PHLPP1: variants seen among roughly 807,000 people sequenced by gnomAD.
PHLPP1 encodes PH domain leucine-rich repeat-containing protein phosphatase 1.
Under a neutral mutation model 117.2 loss-of-function variants are expected in PHLPP1, and 42 were observed. The observed-to-expected ratio is 0.36, with a 90% CI of 0.28 to 0.46. The LOEUF (loss-of-function observed/expected upper bound fraction) is 0.46, where lower values mean the gene tolerates loss of function less well. PHLPP1 is among the 20% of genes least tolerant of loss of function. The probability of loss-of-function intolerance (pLI) is 1.00; values close to 1 mark genes in which losing one functional copy is unlikely to be tolerated. For synonymous variants in PHLPP1, 1,042 were observed against 970.7 expected (o/e 1.07, Z -1.37); for missense variants, 2,084 against 2,241.9 (o/e 0.93, Z 1.42).
intron 4 of PHLPP1, among the ~76,000 whole-genome samples, chr18:62,881,856 G>C (rs1916181336): frequency 1.3e-5 from 2 of 152,204 alleles, no homozygotes; most frequent in South Asian, 4.1e-4. Flanking sequence ...AATGGAGTTT[G>C]GGGGTGTGGA....
At chr18:62,830,892 A>C (rs1170934665) in intron 2 of PHLPP1, among the ~76,000 whole-genome samples, 1 of 152,232 alleles carries the variant, frequency 6.6e-6, no homozygotes, top group Non-Finnish European at 1.5e-5. Flanking sequence ...GTGAATTTAG[A>C]AACATTGACA....
intron 10 of PHLPP1, among the ~76,000 whole-genome samples, chr18:62,926,469 C>T (rs1909630581): frequency 1.3e-5 from 2 of 152,130 alleles, no homozygotes; most frequent in Non-Finnish European, 2.9e-5. Context: ...TGAGAGACTG[C>T]TTTGGTCATC....
chr18:62,762,129 GA>G (rs2144250332), intron 1 of PHLPP1, among the ~76,000 whole-genome samples: 1 of 151,900 alleles, frequency 6.6e-6, no homozygotes, highest in Admixed American at 6.6e-5. Context: ...CAGCTAAATA[GA>G]ATCCTGTTTT....
chr18:62,843,837 C>T (rs1179787039), intron 3 of PHLPP1, among the ~76,000 whole-genome samples: 2 of 152,124 alleles, frequency 1.3e-5, no homozygotes, highest in Non-Finnish European at 2.9e-5. Context: ...CAAGAACGTG[C>T]AGAAGAGCTC....
intron 6 of PHLPP1, among the ~76,000 whole-genome samples, chr18:62,902,212 T>C (rs1916741118): frequency 6.6e-6 from 1 of 152,212 alleles, no homozygotes; most frequent in African/African-American, 2.4e-5. Flanking sequence ...TTTTCCCCTG[T>C]GCCTTGCTTC....
rs531191857 is a variant in PHLPP1 at position 62,765,182 on chromosome 18, C to T, written c.1576+47923C>T. Reference sequence around the variant, plus strand: ...CCTTTTCAGACCACTCCAAAGCTGACCTTTTTTCAAATTTTGTTGATTGGA... The same window carrying T: ...CCTTTTCAGACCACTCCAAAGCTGATCTTTTTTCAAATTTTGTTGATTGGA... On this transcript the variant is annotated intron_variant, in intron 1 of 16. Coordinates refer to ENST00000262719, the MANE Select transcript of PHLPP1 (RefSeq NM_194449.4). 4.3e-4 allele frequency among the ~76,000 whole-genome samples: 65 copies of T among 152,300 alleles called. No individual in the cohort carries two copies. The Middle Eastern group carries it at 0.01, about 24-fold the overall frequency.
At chr18:62,805,472 C>A (rs754403542) in intron 1 of PHLPP1, among the ~76,000 whole-genome samples, 3 of 152,224 alleles carry the variant, frequency 2.0e-5, no homozygotes, top group Middle Eastern at 3.4e-3. Flanking sequence ...ATCTTCCCAC[C>A]TCAGCTTCCT....
chr18:62,820,312 A>G (rs1197376349), intron 1 of PHLPP1, among the ~76,000 whole-genome samples: 3 of 152,220 alleles, frequency 2.0e-5, no homozygotes, highest in Admixed American at 2.0e-4. Context: ...TTAAAAATAT[A>G]GAAGACTTGA....
At position 62,903,065 on chromosome 18, in the gene PHLPP1, T is replaced by C. The variant is rs757211862; in HGVS notation, c.2546T>C (p.Met849Thr). 3 of 1,613,352 alleles carry C rather than the reference T, an allele frequency of 1.9e-6. No individual in the cohort carries two copies. Among genetic ancestry groups the C allele is most frequent in the Admixed American group, 3.3e-5 (2 of 60,028 alleles). ...AATAAGCTTGGTGATCTAGATGCTA[T>C]GATTTTCAACAACATTGAAGTTTTA... The part of the protein sequence containing the change: ...RDNKLGDLDA[M>T]IFNNIEVLHC... Residue 849 changes from methionine (M) to threonine (T), a missense_variant, in exon 7 of 17, where the codon ATG (methionine) becomes ACG (threonine). Transcript: ENST00000262719.
chr18:62,759,359 A>G (rs1390296401), intron 1 of PHLPP1, among the ~76,000 whole-genome samples: 2 of 152,236 alleles, frequency 1.3e-5, no homozygotes, highest in African/African-American at 2.4e-5. Flanking sequence ...TTTCAGCCTT[A>G]GGTCAGTGTG....
chr18:62,871,677 G>T (rs1343568452), intron 4 of PHLPP1, among the ~76,000 whole-genome samples: 1 of 127,578 alleles, frequency 7.8e-6, no homozygotes, highest in African/African-American at 2.9e-5. Context: ...TACAGTCTTG[G>T]TCTGTCCCCC....
intron 1 of PHLPP1, among the ~76,000 whole-genome samples, chr18:62,737,016 T>C (rs1011867130): frequency 6.6e-6 from 1 of 152,216 alleles, no homozygotes; most frequent in Admixed American, 6.5e-5. Context: ...TGTTGAGTTT[T>C]TCCTATCTAA....
intron 1 of PHLPP1, among the ~76,000 whole-genome samples, chr18:62,755,337 A>G (rs148800320): frequency 6.6e-6 from 1 of 152,138 alleles, no homozygotes; most frequent in African/African-American, 2.4e-5. Context: ...AGTTTTCTCA[A>G]TAAGTAACTC....
chr18:62,914,421 C>T (rs1384637223), intron 8 of PHLPP1, among the ~76,000 whole-genome samples: 1 of 152,038 alleles, frequency 6.6e-6, no homozygotes, highest in African/African-American at 2.4e-5. Context: ...TAACTATGTC[C>T]TTCCTTCTTT....
chr18:62,802,556 CA>C (rs1444452745), intron 1 of PHLPP1, among the ~76,000 whole-genome samples: 1 of 152,122 alleles, frequency 6.6e-6, no homozygotes, highest in Non-Finnish European at 1.5e-5. Flanking sequence ...GCAGCTGGAT[CA>C]AAGTAACTTT....
chr18:62,845,796 C>T (rs1915166123), intron 3 of PHLPP1, among the ~76,000 whole-genome samples: 1 of 152,182 alleles, frequency 6.6e-6, no homozygotes, highest in Admixed American at 6.5e-5. Context: ...GCTTTGCTAT[C>T]AGTACTGTTC....
chr18:62,722,305 T>C (rs147292036), intron 1 of PHLPP1, among the ~76,000 whole-genome samples: 1 of 152,346 alleles, frequency 6.6e-6, no homozygotes, highest in Non-Finnish European at 1.5e-5. Context: ...TTAGATTTAA[T>C]GATTTTGTTA....
chr18:62,718,433 C>T (rs1239052280), intron 1 of PHLPP1, among the ~76,000 whole-genome samples: 3 of 152,184 alleles, frequency 2.0e-5, no homozygotes, highest in African/African-American at 4.8e-5. Context: ...ATGAAGAAAT[C>T]TTTACATCTT....
intron 5 of PHLPP1, 140 bp from the exon 6 acceptor site, chr18:62,895,641 C>T (rs1916540239): frequency 1.6e-6 from 1 of 618,162 alleles, no homozygotes; most frequent in Admixed American, 2.9e-5. Flanking sequence ...CCATTATTGC[C>T]TCAGGCCCTG....
Sources: allele counts gnomAD v4.1 joint callset (sites outside exome capture counted in the v4.1 genomes callset), GRCh38; gene constraint gnomAD v4.1.1; transcripts MANE v1.5; gene names NCBI Gene and HGNC (gene_info 2026-07-23, HGNC 2026-07-21).